LRIF1: variants seen among roughly 807,000 people sequenced by gnomAD.
LRIF1 encodes the protein ligand dependent nuclear receptor interacting factor 1.
LRIF1 carries 32 observed loss-of-function variants against 52.7 expected under a neutral mutation model. The observed-to-expected ratio is 0.61, with a 90% CI of 0.46 to 0.82. The LOEUF is 0.82. LRIF1 is among the 40% of genes least tolerant of loss of function. The pLI, the probability that LRIF1 is intolerant of heterozygous loss-of-function variation, is 0.00. For synonymous variants in LRIF1, 323 were observed against 317.4 expected (o/e 1.02, Z -0.19); for missense variants, 887 against 892.0 (o/e 0.99, Z 0.07).
the LRIF1 span, among the ~76,000 whole-genome samples, chr1:110,891,703 C>T: frequency 6.6e-6 from 1 of 152,186 alleles, no homozygotes; most frequent in Non-Finnish European, 1.5e-5. Flanking sequence ...CTGTTTCTCT[C>T]TGAGGGCTTT....
chr1:110,895,757 A>G, the LRIF1 span, among the ~76,000 whole-genome samples: 8 of 152,314 alleles, frequency 5.3e-5, no homozygotes, highest in Admixed American at 1.3e-4. Flanking sequence ...TTAGAAATAT[A>G]CAAAAGAGAA....
the LRIF1 span, among the ~76,000 whole-genome samples, chr1:110,911,166 G>GCA: frequency 6.6e-6 from 1 of 151,222 alleles, no homozygotes; most frequent in African/African-American, 2.4e-5. Context: ...TAAAGTTTAT[G>GCA]CTACCCTCAA....
chr1:110,895,115 T>C, the LRIF1 span: 10 of 1,243,906 alleles, frequency 8.0e-6, no homozygotes, highest in African/African-American at 1.5e-4. Flanking sequence ...GCCTAAATCC[T>C]TGGGGGCTAG....
chr1:110,884,684 T>TTTAA, the LRIF1 span, among the ~76,000 whole-genome samples: 6 of 151,128 alleles, frequency 4.0e-5, no homozygotes, highest in South Asian at 2.1e-4. Flanking sequence ...AATCAGTCCC[T>TTTAA]TTATAAAGTA....
At chr1:110,950,227 TGCTTTATGATTG>T (rs2101106856) in intron 2 of LRIF1, 104 bp from the exon 3 acceptor site, 1 of 1,350,036 alleles carries the variant, frequency 7.4e-7, no homozygotes, top group South Asian at 1.5e-5. Context: ...GAACATATCA[TGCTTTATGATTG>T]GTTTGTATTA....
At chr1:110,877,475 G>A in the LRIF1 span, among the ~76,000 whole-genome samples, 3 of 152,112 alleles carry the variant, frequency 2.0e-5, no homozygotes, top group Non-Finnish European at 4.4e-5. Flanking sequence ...AACTGTTTTA[G>A]GTAACTGTTC....
At chr1:110,962,913 T>C (rs1239855025) in intron 1 of LRIF1, among the ~76,000 whole-genome samples, 2 of 151,396 alleles carry the variant, frequency 1.3e-5, no homozygotes, top group African/African-American at 4.8e-5. Context: ...TGTAATACAA[T>C]TTAAAAAAAA....
the LRIF1 span, chr1:110,896,885 G>A: frequency 1.6e-6 from 1 of 626,122 alleles, no homozygotes; most frequent in Non-Finnish European, 2.8e-6. Context: ...TGGGTAATTA[G>A]AAAAGTCAGA....
At chr1:110,925,240 A>C in the LRIF1 span, among the ~76,000 whole-genome samples, 1 of 152,172 alleles carries the variant, frequency 6.6e-6, no homozygotes, top group Non-Finnish European at 1.5e-5. Flanking sequence ...GGCCTTAAGA[A>C]AAACAAAGAA....
At chr1:110,943,658 T>G (rs1484706358), downstream of LRIF1, 1 of 152,200 alleles carries the variant, frequency 6.6e-6, no homozygotes, top group Non-Finnish European at 1.5e-5. Flanking sequence ...TACTACTTCC[T>G]AAGTACTTAG....
At chr1:110,899,659 T>C in the LRIF1 span, 3 of 161,986 alleles carry the variant, frequency 1.9e-5, no homozygotes, top group South Asian at 3.4e-4. Flanking sequence ...CTGTTTCTCT[T>C]TGACTAAGTG....
intron 1 of LRIF1, among the ~76,000 whole-genome samples, chr1:110,961,771 A>AAT (rs1557844580): frequency 6.6e-6 from 1 of 152,248 alleles, no homozygotes; most frequent in East Asian, 1.9e-4. Flanking sequence ...AAGGGCCGTT[A>AAT]ATATTATTTA....
At chr1:110,902,503 A>G in the LRIF1 span, among the ~76,000 whole-genome samples, 7,793 of 143,024 alleles carry the variant, frequency 0.054, 347 homozygotes, top group African/African-American at 0.19. Flanking sequence ...ACTAAAAAAA[A>G]AAAAAAAAAA....
chr1:110,946,767 C>T (rs1658218200), downstream of LRIF1, among the ~76,000 whole-genome samples: 1 of 147,092 alleles, frequency 6.8e-6, no homozygotes, highest in Non-Finnish European at 1.5e-5. Context: ...TCAAGCGATT[C>T]TCCTGCCTCA....
chr1:110,896,835 C>T, the LRIF1 span: 655 of 975,466 alleles, frequency 6.7e-4, 3 homozygotes, highest in African/African-American at 9.8e-3. Context: ...TATTGAGAAA[C>T]AGGGGACCTT....
the LRIF1 span, among the ~76,000 whole-genome samples, chr1:110,935,709 C>T: frequency 1.3e-5 from 2 of 151,580 alleles, no homozygotes; most frequent in African/African-American, 2.4e-5. Flanking sequence ...TAGAAAATAG[C>T]CTCAGAAGGG....
At chr1:110,919,733 A>G in the LRIF1 span, among the ~76,000 whole-genome samples, 1 of 152,240 alleles carries the variant, frequency 6.6e-6, no homozygotes, top group Non-Finnish European at 1.5e-5. Flanking sequence ...ATGTCTTTCA[A>G]AATGAAAATA....
At chr1:110,962,982 T>C (rs983747547) in intron 1 of LRIF1, among the ~76,000 whole-genome samples, 2 of 152,098 alleles carry the variant, frequency 1.3e-5, no homozygotes, top group Non-Finnish European at 2.9e-5. Context: ...ATATCTTCCT[T>C]AGAAATACTG....
the LRIF1 span, among the ~76,000 whole-genome samples, chr1:110,892,086 A>T: frequency 6.6e-6 from 1 of 152,232 alleles, no homozygotes; most frequent in Non-Finnish European, 1.5e-5. Context: ...TATGGTGAAG[A>T]TACTGTGTGG....
Sources: allele counts gnomAD v4.1 joint callset (sites outside exome capture counted in the v4.1 genomes callset), GRCh38; gene constraint gnomAD v4.1.1; transcripts MANE v1.5; gene names NCBI Gene and HGNC (gene_info 2026-07-23, HGNC 2026-07-21).